FBN2: variants seen among roughly 807,000 people sequenced by gnomAD.
FBN2 encodes the protein fibrillin 2.
Under a neutral mutation model 355.6 loss-of-function variants are expected in FBN2, and 105 were observed. The observed-to-expected ratio is 0.30, with a 90% CI of 0.25 to 0.35. The LOEUF (loss-of-function observed/expected upper bound fraction) is 0.35, where lower values mean the gene tolerates loss of function less well. FBN2 is among the 10% of genes least tolerant of loss of function. The pLI, the probability that FBN2 is intolerant of heterozygous loss-of-function variation, is 1.00. For synonymous variants in FBN2, 1,350 were observed against 1,301.2 expected (o/e 1.04, Z -0.81); for missense variants, 3,280 against 3,758.7 (o/e 0.87, Z 3.33).
intron 11 of FBN2, among the ~76,000 whole-genome samples, chr5:128,389,818 G>A (rs926041150): frequency 1.2e-4 from 19 of 152,154 alleles, no homozygotes; most frequent in Non-Finnish European, 2.4e-4. Flanking sequence ...CTGGCACTTG[G>A]CAGCCCCATG....
chr5:128,528,099 AC>A, intron 3 of FBN2, 132 bp from the exon 4 acceptor site: 1 of 686,602 alleles, frequency 1.5e-6, no homozygotes, highest in South Asian at 1.5e-5. Flanking sequence ...AAATACTATG[AC>A]CCAAACATAT....
chr5:128,468,387 G>A (rs1754769762), intron 5 of FBN2, among the ~76,000 whole-genome samples: 1 of 152,162 alleles, frequency 6.6e-6, no homozygotes. Flanking sequence ...ATGCTGCAAT[G>A]AACATCTGCA....
rs781231116 is a variant in FBN2, at chr5:128,527,925, G to C, written c.479C>G (p.Ala160Gly). The C allele has an allele frequency of 6.2e-7, 1 of 1,612,642 alleles. No individual in the cohort carries two copies. The highest frequency in any genetic ancestry group is 1.1e-5 in the South Asian group (1 of 91,042). The stretch of plus-strand genomic sequence containing the variant: ...TTTCTGGCACTGGCAGTGGTCATCT[G>C]CACAGGTCCCACCATTCATGCATCT... The part of the protein sequence containing the change: ...SVRCMNGGTC[A>G]DDHCQCQKGY... Residue 160 changes from alanine to glycine, a missense_variant, in exon 4 of 65, where the codon GCA becomes GGA. Physicochemically the swap from Ala to Gly is moderately conservative, Grantham distance 60. Transcript: ENST00000262464.
intron 6 of FBN2, among the ~76,000 whole-genome samples, chr5:128,456,653 G>T (rs1754403592): frequency 6.6e-6 from 1 of 152,062 alleles, no homozygotes; most frequent in Admixed American, 6.6e-5. Flanking sequence ...CGAATCAGAT[G>T]AATAAGGCCT....
At chr5:128,273,992 G>A (rs1765325965) in intron 60 of FBN2, 24 bp from the exon 61 acceptor site, 4 of 1,613,488 alleles carry the variant, frequency 2.5e-6, no homozygotes, top group Non-Finnish European at 3.4e-6. Context: ...AAGAAGCAGA[G>A]CGTCAAACTT....
At position 128,392,119 on chromosome 5, in the gene FBN2, T is replaced by C. The variant is rs773361111; in HGVS notation, c.1502A>G (p.His501Arg). Residue 501 changes from histidine (H) to arginine (R), a missense_variant, in exon 11 of 65, where the codon CAT (histidine) becomes CGT (arginine). His to Arg is a conservative substitution (Grantham distance 29). This residue lies in a region of FBN2 where 343 missense variants were observed against 331.0 expected (regional missense o/e 1.04). Coordinates refer to ENST00000262464, the MANE Select transcript of FBN2 (RefSeq NM_001999.4). ...LNQTIDICKH[H>R]ANLCLNGRCI... ...GCGTCCATTTAAACAAAGGTTAGCA[T>C]GATGCTTACAGATATCTATTGTCTG... 6.2e-7 allele frequency: 1 copy of C among 1,613,672 alleles called. No homozygotes were observed. The highest frequency in any genetic ancestry group is 8.5e-7 in the Non-Finnish European group (1 of 1,179,682).
chr5:128,309,504 G>A (rs1214268607), intron 40 of FBN2, 105 bp from the exon 41 acceptor site: 1 of 941,202 alleles, frequency 1.1e-6, no homozygotes, highest in Non-Finnish European at 1.7e-6. Flanking sequence ...ACACAACTCG[G>A]AAACCCTTTT....
chr5:128,315,156 AT>A (rs1207183052), intron 36 of FBN2, among the ~76,000 whole-genome samples: 1 of 152,230 alleles, frequency 6.6e-6, no homozygotes, highest in Non-Finnish European at 1.5e-5. Flanking sequence ...TTTTTAAGTC[AT>A]TTTAAAAAAT....
chr5:128,315,221 A>G (rs1220913272), intron 36 of FBN2, among the ~76,000 whole-genome samples: 1 of 152,234 alleles, frequency 6.6e-6, no homozygotes, highest in African/African-American at 2.4e-5. Flanking sequence ...AAAAAAGTTG[A>G]AAACAACTTT....
At chr5:128,268,805 G>A (rs1332453006) in intron 62 of FBN2, among the ~76,000 whole-genome samples, 1 of 152,054 alleles carries the variant, frequency 6.6e-6, no homozygotes, top group African/African-American at 2.4e-5. Context: ...TGCAGAAAAA[G>A]CCTTTGATAA....
intron 9 of FBN2, 75 bp from the exon 10 acceptor site, chr5:128,393,443 C>T (rs1752574254): frequency 1.6e-6 from 2 of 1,287,498 alleles, no homozygotes; most frequent in South Asian, 2.4e-5. Flanking sequence ...GTACACTGTA[C>T]TAAGTCACTT....
At chr5:128,476,065 C>T (rs946421873) in intron 5 of FBN2, among the ~76,000 whole-genome samples, 10 of 151,926 alleles carry the variant, frequency 6.6e-5, no homozygotes, top group Non-Finnish European at 8.8e-5. Flanking sequence ...TTAGACATTA[C>T]GCAAAAGTTG....
At chr5:128,463,893 T>C (rs1581319321) in intron 6 of FBN2, among the ~76,000 whole-genome samples, 2 of 152,260 alleles carry the variant, frequency 1.3e-5, no homozygotes, top group East Asian at 3.9e-4. Context: ...ATGTGAATAA[T>C]ACAAAAATCA....
intron 50 of FBN2, 52 bp from the exon 51 acceptor site, chr5:128,289,999 G>A (rs1174134346): frequency 9.6e-7 from 1 of 1,044,884 alleles, no homozygotes; most frequent in East Asian, 2.4e-5. Flanking sequence ...AATTATCAAA[G>A]AACTTAAGAA....
At chr5:128,364,450 T>C (rs1751716352) in intron 18 of FBN2, 150 bp downstream of exon 18, 2 of 801,582 alleles carry the variant, frequency 2.5e-6, no homozygotes, top group Non-Finnish European at 3.9e-6. Context: ...ATTTGTTTGA[T>C]TCTGATATTT....
intron 7 of FBN2, 59 bp downstream of exon 7, chr5:128,446,422 C>A: frequency 6.3e-7 from 1 of 1,578,266 alleles, no homozygotes; most frequent in Non-Finnish European, 8.7e-7. Context: ...CAAATGAAGT[C>A]CTGTTTTTCT....
chr5:128,379,227 A>G (rs1384582389), intron 11 of FBN2, among the ~76,000 whole-genome samples: 1 of 152,184 alleles, frequency 6.6e-6, no homozygotes, highest in Non-Finnish European at 1.5e-5. Flanking sequence ...AATGTGGGCA[A>G]GTTAATAACC....
chr5:128,516,836 A>G (rs1756293561), intron 5 of FBN2, among the ~76,000 whole-genome samples: 1 of 152,140 alleles, frequency 6.6e-6, no homozygotes, highest in East Asian at 1.9e-4. Context: ...AAAAATTATG[A>G]ACTTCATTTT....
chr5:128,305,152 T>A (rs56092731), intron 44 of FBN2, 70 bp from the exon 45 acceptor site: 7 of 1,331,392 alleles, frequency 5.3e-6, no homozygotes. Flanking sequence ...TTCACAGTTG[T>A]GTTTCTCTAA....
Sources: gnomAD v4.1 joint callset for allele counts (sites outside exome capture counted in the v4.1 genomes callset) on GRCh38, gnomAD v4.1.1 for gene constraint, gnomAD v4.1.1 regional missense constraint, MANE v1.5 for transcripts, NCBI Gene and HGNC (gene_info 2026-07-23, HGNC 2026-07-21) for gene names.